Variants in RIPK2 observed in about 807,000 individuals in gnomAD.
The protein encoded by RIPK2 is receptor-interacting serine/threonine-protein kinase 2.
RIPK2 carries 38 observed loss-of-function variants against 60.9 expected under a neutral mutation model. The ratio of observed to expected loss-of-function variants is 0.62; its 90% CI spans 0.48 to 0.82. The LOEUF (loss-of-function observed/expected upper bound fraction) is 0.82, where lower values mean the gene tolerates loss of function less well. Ranked by LOEUF, RIPK2 falls within the 40% of genes least tolerant of loss-of-function variation. RIPK2 has a pLI of 0.00. For synonymous variants in RIPK2, 225 were observed against 223.4 expected, an observed-to-expected ratio of 1.01 and a Z score of -0.06; for missense variants, 518 against 647.0, an observed-to-expected ratio of 0.80 and a Z score of 2.16.
At chr8:89,772,598 G>GT in intron 5 of RIPK2, 69 bp from the exon 6 acceptor site, 1 of 1,151,746 alleles carries the variant, frequency 8.7e-7, no homozygotes, top group South Asian at 1.6e-5. Context: ...CTTTTAGTTA[G>GT]TTTTAGATGT....
chr8:89,777,469 A>G (rs1039021633), intron 6 of RIPK2, among the ~76,000 whole-genome samples: 2 of 152,202 alleles, frequency 1.3e-5, no homozygotes. Context: ...ATTGAATGAA[A>G]AATACAATGC....
chr8:89,773,455 T>C (rs1809346610), intron 6 of RIPK2, among the ~76,000 whole-genome samples: 1 of 152,148 alleles, frequency 6.6e-6, no homozygotes, highest in Non-Finnish European at 1.5e-5. Context: ...GTGGCTGGAA[T>C]ACAGTGAGCA....
chr8:89,766,918 A>G (rs1172220314), intron 3 of RIPK2, among the ~76,000 whole-genome samples: 2 of 151,408 alleles, frequency 1.3e-5, no homozygotes, highest in Admixed American at 6.6e-5. Flanking sequence ...TTCATCAGAT[A>G]TGTAGTTTGC....
chr8:89,781,854 G>A (rs1050277483), intron 7 of RIPK2, among the ~76,000 whole-genome samples: 14 of 152,112 alleles, frequency 9.2e-5, no homozygotes, highest in South Asian at 4.1e-4. Context: ...AACAATAACC[G>A]ATAATAAAGT....
At position 89,765,479 on chromosome 8, in the gene RIPK2, A is replaced by G; in HGVS notation, c.466A>G (p.Asn156Asp). ...DLKTQNILLD[N>D]EFHVKIADFG... ...GAAGACTCAGAATATCTTATTGGACAATGAATTTCATGTTAAGGTAATTAC... is the reference window on the plus strand; with the variant it reads ...GAAGACTCAGAATATCTTATTGGACGATGAATTTCATGTTAAGGTAATTAC... Residue 156 changes from asparagine (N) to aspartate (D), a missense_variant, in exon 3 of 11, where the codon AAT becomes GAT. Asn to Asp is a conservative substitution (Grantham distance 23). This residue lies in a region of RIPK2 where 448 missense variants were observed against 534.7 expected (regional missense o/e 0.84). Transcript: ENST00000220751. The G allele has an allele frequency of 6.3e-7, 1 of 1,581,130 alleles. No individual in the cohort carries two copies. Among genetic ancestry groups the G allele is most frequent in the Non-Finnish European group, 8.7e-7 (1 of 1,153,218 alleles).
intron 3 of RIPK2, among the ~76,000 whole-genome samples, chr8:89,766,706 G>A (rs1285179409): frequency 6.6e-6 from 1 of 151,484 alleles, no homozygotes; most frequent in African/African-American, 2.4e-5. Context: ...TCTAATAGAT[G>A]TGTAGTGATA....
At chr8:89,758,328 C>G in intron 1 of RIPK2, 95 bp downstream of exon 1, 1 of 1,288,130 alleles carries the variant, frequency 7.8e-7, no homozygotes. Context: ...ATGGCAGTGA[C>G]CGCTTGGGGC....
At chr8:89,789,981 A>G in intron 10 of RIPK2, 98 bp from the exon 11 acceptor site, 2 of 866,384 alleles carry the variant, frequency 2.3e-6, no homozygotes, top group Non-Finnish European at 3.4e-6. Context: ...ATCATAGGAA[A>G]ATTATGTTTT....
At chr8:89,779,967 T>C in intron 6 of RIPK2, 108 bp from the exon 7 acceptor site, 1 of 619,346 alleles carries the variant, frequency 1.6e-6, no homozygotes, top group Admixed American at 3.5e-5. Flanking sequence ...CTGAATGTCA[T>C]CACTTTGGGG....
intron 7 of RIPK2, among the ~76,000 whole-genome samples, chr8:89,781,240 A>T (rs1809493858): frequency 6.6e-6 from 1 of 152,036 alleles, no homozygotes; most frequent in South Asian, 2.1e-4. Flanking sequence ...TAAAGGAAGG[A>T]ACTAAAGAGG....
At chr8:89,764,891 A>G (rs1809201526) in intron 2 of RIPK2, among the ~76,000 whole-genome samples, 1 of 152,116 alleles carries the variant, frequency 6.6e-6, no homozygotes, top group South Asian at 2.1e-4. Context: ...AAAAATTAAA[A>G]TACAAATTTT....
intron 3 of RIPK2, among the ~76,000 whole-genome samples, chr8:89,768,435 A>G (rs1037864048): frequency 6.6e-6 from 1 of 151,734 alleles, no homozygotes; most frequent in Admixed American, 6.6e-5. Flanking sequence ...CAGAGCTTGA[A>G]TCAGAGCTGT....
chr8:89,762,746 A>C (rs1222662546), intron 1 of RIPK2, 83 bp from the exon 2 acceptor site: 9 of 755,254 alleles, frequency 1.2e-5, no homozygotes, highest in African/African-American at 1.8e-5. Flanking sequence ...TAATTAATGA[A>C]AAAAAATCCA....
chr8:89,787,170 T>A (rs1423673823), intron 9 of RIPK2, among the ~76,000 whole-genome samples: 5 of 151,898 alleles, frequency 3.3e-5, no homozygotes, highest in African/African-American at 1.2e-4. Flanking sequence ...TGTCAAAAAA[T>A]AAATTTTAAA....
At chr8:89,779,437 C>T (rs540851989) in intron 6 of RIPK2, among the ~76,000 whole-genome samples, 4 of 150,728 alleles carry the variant, frequency 2.7e-5, no homozygotes, top group Non-Finnish European at 5.9e-5. Context: ...GCCTCAGCCT[C>T]CCGAGTAGCT....
At chr8:89,771,149 T>C (rs773555467) in intron 4 of RIPK2, among the ~76,000 whole-genome samples, 4 of 151,908 alleles carry the variant, frequency 2.6e-5, no homozygotes, top group Non-Finnish European at 4.4e-5. Flanking sequence ...GAATTCCCTC[T>C]GTACTCCTCG....
At chr8:89,789,963 T>C in intron 10 of RIPK2, 116 bp from the exon 11 acceptor site, 1 of 729,406 alleles carries the variant, frequency 1.4e-6, no homozygotes, top group South Asian at 2.5e-5. Context: ...GTGTTCCATA[T>C]TGGCACAATC....
rs199907869 is a variant in RIPK2, at chr8:89,790,093, G to T, written c.1300G>T (p.Gly434Cys). 3.1e-6 allele frequency: 5 copies of T among 1,612,146 alleles called. No individual in the cohort carries two copies. Among genetic ancestry groups the T allele is most frequent in the Non-Finnish European group, 4.2e-6 (5 of 1,179,036 alleles). ...TTCTTTTTCAGAACGTCTGCAGCCT[G>T]GTATAGCCCAGCAGTGGATCCAGAG... ...TAGNSERLQP[G>C]IAQQWIQSKR... The change falls in exon 11 of 11, where the codon GGT becomes TGT. Residue 434 changes from glycine (G) to cysteine (C), a missense_variant. By Grantham distance (159) the Gly-to-Cys change is radical. Around this residue, in one of 3 missense-constraint regions of RIPK2, gnomAD observed 448 missense variants for 534.7 expected, o/e 0.84. Coordinates refer to ENST00000220751, the MANE Select transcript of RIPK2 (RefSeq NM_003821.6).
intron 6 of RIPK2, 82 bp from the exon 7 acceptor site, chr8:89,779,993 G>T: frequency 2.9e-6 from 2 of 684,032 alleles, no homozygotes; most frequent in Non-Finnish European, 5.0e-6. Context: ...CTGACTTGAG[G>T]CCTTGTACAT....
Sources: allele counts gnomAD v4.1 joint callset (sites outside exome capture counted in the v4.1 genomes callset), GRCh38; gene constraint gnomAD v4.1.1; regional missense constraint gnomAD v4.1.1; transcripts MANE v1.5; gene names NCBI Gene and HGNC (gene_info 2026-07-23, HGNC 2026-07-21).